Variants in C9orf72 observed in about 807,000 individuals in gnomAD.
The protein encoded by C9orf72 is guanine nucleotide exchange factor C9orf72.
Under a neutral mutation model 51.6 loss-of-function variants are expected in C9orf72, and 44 were observed. That is an observed-to-expected ratio of 0.85 (90% CI 0.67 to 1.10). The LOEUF is 1.10. Among genes scored for constraint, C9orf72 ranks in the 50% least tolerant of loss-of-function variants. C9orf72 has a pLI of 0.00. For missense variants in C9orf72, 607 were observed against 570.6 expected (o/e 1.06, Z -0.65); for synonymous variants, 213 against 194.2 (o/e 1.10, Z -0.81).
Position 27,548,250 on chromosome 9 carries a change from G to C in C9orf72, c.1432C>G (p.Leu478Val). The change falls in exon 11 of 11, where the codon CTA becomes GTA. Residue 478 changes from leucine to valine, a missense_variant. Transcript: ENST00000380003. ...FYTSVQERDVLMTF is the reference protein window; with the variant it reads ...FYTSVQERDVVMTF ...AAGTTACACATTTAAAAAGTCATTA[G>C]AACATCTCGTTCTTGCACACTAGTG... 6.2e-7 allele frequency: 1 copy of C among 1,607,700 alleles called. No individual in the cohort carries two copies. Among genetic ancestry groups the C allele is most frequent in the Non-Finnish European group, 8.5e-7 (1 of 1,177,132 alleles).
rs569643509 is a variant in C9orf72, at chr9:27,570,807, T to C, written c.-45+2624A>G. On this transcript the variant is annotated intron_variant, in intron 1 of 10. Transcript: ENST00000380003. ...TCTTGAACCCGGAGGTGGCAGAGGT[T>C]GCAATGAGCTGAGATGGCGCCACTG... is the stretch of plus-strand genomic sequence containing the variant. 1.3e-4 allele frequency among the ~76,000 whole-genome samples: 20 copies of C among 152,124 alleles called. No individual in the cohort carries two copies. In the East Asian group the frequency reaches 3.7e-3, roughly 28 times the overall value.
chr9:27,573,268 C>T (rs1819630564), intron 1 of C9orf72, among the ~76,000 whole-genome samples, 163 bp downstream of exon 1: 1 of 152,132 alleles, frequency 6.6e-6, no homozygotes, highest in Non-Finnish European at 1.5e-5. Context: ...GCAATTCCAC[C>T]AGTCGCTAGA....
chr9:27,548,191 C>T lies in C9orf72; in HGVS notation c.*45G>A. 6.8e-7 allele frequency: 1 copy of T among 1,465,840 alleles called. No individual in the cohort carries two copies. Among genetic ancestry groups the T allele is most frequent in the Non-Finnish European group, 9.4e-7 (1 of 1,068,200 alleles). The allele number at this position is 1,465,840 out of a possible 1,614,324, so 90.8% of individuals were successfully genotyped here. On this transcript the variant is annotated 3_prime_UTR_variant, in exon 11 of 11. Coordinates refer to ENST00000380003, the MANE Select transcript of C9orf72 (RefSeq NM_018325.5). ...TTCCCCACACCACTGAGCTACTTTA[C>T]CAGCGATCATGATTGTGATGGAATA... is the stretch of plus-strand genomic sequence containing the variant.
intron 3 of C9orf72, among the ~76,000 whole-genome samples, chr9:27,562,973 A>T (rs1348278321): frequency 2.0e-5 from 3 of 152,164 alleles, no homozygotes; most frequent in Non-Finnish European, 4.4e-5. Context: ...TTACTGTTAC[A>T]TGCAATGATT....
At chr9:27,560,076 G>A in intron 6 of C9orf72, 151 bp downstream of exon 6, 1 of 421,648 alleles carries the variant, frequency 2.4e-6, no homozygotes, top group Admixed American at 4.1e-5. Flanking sequence ...ACTCACTGTT[G>A]CCACAAGGTG....
At chr9:27,549,368 A>G (rs955063765) in intron 9 of C9orf72, among the ~76,000 whole-genome samples, 2 of 147,910 alleles carry the variant, frequency 1.4e-5, no homozygotes, top group African/African-American at 2.5e-5. Context: ...CAGGGGGTGG[A>G]GTGGGTGGGT....
rs548322360 is a variant in C9orf72, at chr9:27,548,818, T to A, written c.1150-152A>T. On this transcript the variant is annotated intron_variant, in intron 9 of 10. Coordinates refer to ENST00000380003, the MANE Select transcript of C9orf72 (RefSeq NM_018325.5). ...GATGCCCCCTAACAGGAGTGTGGTATAGAAGCACTAGGTGTAGGAACAATC... is the reference window on the plus strand; with the variant it reads ...GATGCCCCCTAACAGGAGTGTGGTAAAGAAGCACTAGGTGTAGGAACAATC... The A allele has an allele frequency of 1.3e-5, 7 of 556,698 alleles. No homozygotes were observed. The African/African-American group carries it at 1.3e-4, about 11-fold the overall frequency. The allele number at this position is 556,698 out of a possible 1,614,324, so 34.5% of individuals were successfully genotyped here.
intron 8 of C9orf72, among the ~76,000 whole-genome samples, chr9:27,554,904 T>C (rs1158438247): frequency 1.3e-5 from 2 of 152,184 alleles, no homozygotes; most frequent in Admixed American, 1.3e-4. Flanking sequence ...AAAATGAGAA[T>C]AGCTGTCTAA....
intron 7 of C9orf72, among the ~76,000 whole-genome samples, chr9:27,557,283 C>T (rs811331): frequency 0.99 from 150,376 of 152,300 alleles, 74,267 homozygotes; most frequent in East Asian, 1. Context: ...ATTCTATGCA[C>T]CTCAATGAGT....
At position 27,560,268 on chromosome 9, in the gene C9orf72, A is replaced by T; in HGVS notation, c.697T>A (p.Cys233Ser). The T allele has an allele frequency of 6.2e-7, 1 of 1,610,806 alleles. No individual in the cohort carries two copies. The highest frequency in any genetic ancestry group is 8.5e-7 in the Non-Finnish European group (1 of 1,178,136). Reference sequence around the variant, plus strand: ...GCACTGCTACCTACTACAACGGAACAGCCACAGGTTTGCAAGTGTGAGCTG... The same window carrying T: ...GCACTGCTACCTACTACAACGGAACTGCCACAGGTTTGCAAGTGTGAGCTG... ...AISSHLQTCG[C>S]SVVVGSSAEK... The change falls in exon 6 of 11, where the codon TGT (cysteine) becomes AGT (serine). Residue 233 changes from cysteine to serine, a missense_variant. Cys to Ser is a moderately radical substitution (Grantham distance 112). Coordinates refer to ENST00000380003, the MANE Select transcript of C9orf72 (RefSeq NM_018325.5).
intron 5 of C9orf72, chr9:27,560,610 GACTT>G (rs1442847765): frequency 4.1e-6 from 4 of 985,662 alleles, no homozygotes; most frequent in African/African-American, 1.8e-5. Context: ...GAGATTAAGT[GACTT>G]ACTTAAAGTC....
intron 1 of C9orf72, among the ~76,000 whole-genome samples, chr9:27,570,106 T>C (rs1314902139): frequency 1.3e-5 from 2 of 152,244 alleles, no homozygotes; most frequent in Non-Finnish European, 2.9e-5. Context: ...TTAGGTAATA[T>C]TTACTTTTAA....
rs775042273 is a variant in C9orf72 at position 27,562,408 on chromosome 9, T to C, written c.573A>G (p.Lys191=). 16 of 1,591,564 alleles carry C rather than the reference T, an allele frequency of 1.0e-5. No individual in the cohort carries two copies. Among genetic ancestry groups the C allele is most frequent in the Non-Finnish European group, 8.6e-7 (1 of 1,167,114 alleles). Residue 191 remains lysine, a synonymous_variant, in exon 4 of 11, where the codon AAA becomes AAG. Coordinates refer to ENST00000380003, the MANE Select transcript of C9orf72 (RefSeq NM_018325.5). ...IPVMELLSSM[K]SHSVPEEIDI... ...CTATTTCTTCAGGAACACTGTGTGA[T>C]TTCATAGATGAAAGCAGTTCCATTA...
At chr9:27,568,987 A>G (rs1252419285) in intron 1 of C9orf72, among the ~76,000 whole-genome samples, 3 of 152,020 alleles carry the variant, frequency 2.0e-5, no homozygotes, top group Admixed American at 6.6e-5. Flanking sequence ...GGTGGAAGGC[A>G]GTGAGGTGGA....
At chr9:27,561,728 C>T (rs981395691) in intron 4 of C9orf72, 79 bp from the exon 5 acceptor site, 34 of 894,080 alleles carry the variant, frequency 3.8e-5, no homozygotes, top group African/African-American at 5.2e-5. Flanking sequence ...TACAAGTTTT[C>T]GGAAGTCTGG....
intron 1 of C9orf72, among the ~76,000 whole-genome samples, chr9:27,567,608 G>C (rs956941246): frequency 6.6e-6 from 1 of 152,116 alleles, no homozygotes; most frequent in Non-Finnish European, 1.5e-5. Context: ...TGACACTTGT[G>C]GGTTGAATTG....
chr9:27,564,156 CA>C (rs11438223), intron 3 of C9orf72, among the ~76,000 whole-genome samples: 23,798 of 86,664 alleles, frequency 0.27, 1,769 homozygotes, highest in African/African-American at 0.29. Flanking sequence ...TCAACAACAC[CA>C]AAAAAAAAAA....
At chr9:27,568,978 G>A (rs541442400) in intron 1 of C9orf72, among the ~76,000 whole-genome samples, 80 of 152,198 alleles carry the variant, frequency 5.3e-4, no homozygotes, top group African/African-American at 1.9e-3. Context: ...AGATGTGGAG[G>A]TGGAAGGCAG....
At chr9:27,567,327 C>T (rs963829316) in intron 1 of C9orf72, among the ~76,000 whole-genome samples, 163 bp from the exon 2 acceptor site, 1 of 152,150 alleles carries the variant, frequency 6.6e-6, no homozygotes, top group Admixed American at 6.5e-5. Flanking sequence ...ACAGTAGGTG[C>T]ACATTAAATG....
Sources: allele counts gnomAD v4.1 joint callset (sites outside exome capture counted in the v4.1 genomes callset), GRCh38; gene constraint gnomAD v4.1.1; transcripts MANE v1.5; gene names NCBI Gene and HGNC (gene_info 2026-07-23, HGNC 2026-07-21).